The following CXorf38 variants were observed in gnomAD, a reference collection of about 807,000 sequenced individuals.
CXorf38 encodes uncharacterized protein CXorf38.
In CXorf38, 13 loss-of-function variants were observed where a neutral mutation model predicts 27.5. The observed-to-expected ratio is 0.47, with a 90% CI of 0.31 to 0.75. The LOEUF (loss-of-function observed/expected upper bound fraction) is 0.75. Among genes scored for constraint, CXorf38 ranks in the 30% least tolerant of loss-of-function variants. CXorf38 has a pLI of 0.05. For synonymous variants in CXorf38, 100 were observed against 99.8 expected, an observed-to-expected ratio of 1.00 and a Z score of -0.01; for missense variants, 240 against 253.2, an observed-to-expected ratio of 0.95 and a Z score of 0.35.
rs1927609955 is a variant in CXorf38, at chrX:40,628,042, T to C, written c.*2122A>G. The stretch of plus-strand genomic sequence containing the variant: ...GATCCCAAGTTTTGTACCTCACATC[T>C]AGAAGCTCTGAAATATTTCACTAAG... On this transcript the variant is annotated 3_prime_UTR_variant, in exon 7 of 7. Transcript: ENST00000327877. The C allele has an allele frequency of 8.9e-6, 1 of 112,339 alleles. No homozygotes were observed. The highest frequency in any genetic ancestry group is 3.2e-5 in the African/African-American group (1 of 30,919). The allele number at this position is 112,339 out of a possible 1,213,427, so 9.3% of individuals were successfully genotyped here. A position where few individuals can be genotyped will look rare whatever the true frequency, so the allele number is the denominator to read the frequency against.
intron 2 of CXorf38, 109 bp downstream of exon 2, chrX:40,646,898 C>T (rs766870219): frequency 1.1e-6 from 1 of 934,552 alleles, no homozygotes; most frequent in South Asian, 2.5e-5. Flanking sequence ...TGATCAATCT[C>T]TCTCTCTGCA....
Position 40,637,111 on chromosome X carries a change from C to T in CXorf38, c.517G>A (p.Val173Ile). ...NEIMHSSEMKVSSTWLRDFQM... is the reference protein window; with the variant it reads ...NEIMHSSEMKISSTWLRDFQM... The stretch of plus-strand genomic sequence containing the variant: ...AAATCTCGAAGCCACGTAGAAGATA[C>T]TTTCATCTCTGAAGAGTGCATGATC... Residue 173 changes from valine to isoleucine, a missense_variant, in exon 4 of 7, where the codon GTA (valine) becomes ATA (isoleucine). By Grantham distance (29) the Val-to-Ile change is conservative. Coordinates refer to ENST00000327877, the MANE Select transcript of CXorf38 (RefSeq NM_144970.3). 1.7e-6 allele frequency: 2 copies of T among 1,204,369 alleles called. No individual in the cohort carries two copies. The highest frequency in any genetic ancestry group is 2.2e-6 in the Non-Finnish European group (2 of 890,264).
rs1927557969 is a variant in CXorf38, at chrX:40,627,187, G to GGC, written c.*2976_*2977insGC. On this transcript the variant is annotated 3_prime_UTR_variant, in exon 7 of 7. Transcript: ENST00000327877. ...CAGCTTGCTATGCATTTTTTTTTTT[G>GGC]GGGGGGGGGGGTTGTTTTTTAGAGA... is the stretch of plus-strand genomic sequence containing the variant. 3.6e-5 allele frequency: 2 copies of GGC among 54,818 alleles called. No homozygotes were observed. Among genetic ancestry groups the GGC allele is most frequent in the African/African-American group, 2.2e-4 (2 of 9,003 alleles). The allele number at this position is 54,818 out of a possible 1,213,427, so 4.5% of individuals were successfully genotyped here.
chrX:40,639,313 G>T, intron 2 of CXorf38, 185 bp from the exon 3 acceptor site: 1 of 417,223 alleles, frequency 2.4e-6, no homozygotes, highest in Non-Finnish European at 4.1e-6. Flanking sequence ...CTTGGCCAAG[G>T]GCAATAACTG....
rs72623244 is a variant in CXorf38 at position 40,637,533 on chromosome X, C to G, written c.472-377G>C. On this transcript the variant is annotated intron_variant, in intron 3 of 6. Coordinates refer to ENST00000327877, the MANE Select transcript of CXorf38 (RefSeq NM_144970.3). The stretch of plus-strand genomic sequence containing the variant: ...TACTAAAAGACTGGTTCAGGGCAAA[C>G]TGGGGAGCAGAGGCCCTATCTCAAG... Among the ~76,000 whole-genome samples the G allele has an allele frequency of 6.7e-3, 746 of 111,955 alleles. 21 individuals are homozygous for G. The East Asian group carries it at 0.12, about 19-fold the overall frequency.
chrX:40,645,488 GT>G (rs200514023), intron 2 of CXorf38, among the ~76,000 whole-genome samples: 1 of 110,975 alleles, frequency 9.0e-6, no homozygotes, highest in Admixed American at 9.6e-5. Context: ...CTTTCTTTCT[GT>G]TTTTTTTCTC....
At chrX:40,633,160 G>A (rs919878881) in intron 5 of CXorf38, among the ~76,000 whole-genome samples, 6 of 110,571 alleles carry the variant, frequency 5.4e-5, no homozygotes, top group Non-Finnish European at 1.1e-4. Flanking sequence ...CAGTCTACCT[G>A]CTTCTATCTC....
intron 5 of CXorf38, among the ~76,000 whole-genome samples, chrX:40,635,614 T>C (rs1928035850): frequency 8.9e-6 from 1 of 112,890 alleles, no homozygotes; most frequent in Non-Finnish European, 1.9e-5. Context: ...ACCTTGCATG[T>C]GACAAAGGAG....
intron 5 of CXorf38, among the ~76,000 whole-genome samples, chrX:40,635,785 G>A (rs571662624): frequency 9.0e-6 from 1 of 111,574 alleles, no homozygotes; most frequent in African/African-American, 3.3e-5. Flanking sequence ...AATATCCATC[G>A]GTTCTGCTCA....
intron 2 of CXorf38, 91 bp downstream of exon 2, chrX:40,646,914 TTA>T (rs1278987130): frequency 6.8e-6 from 7 of 1,029,230 alleles, no homozygotes; most frequent in Non-Finnish European, 7.8e-6. Context: ...CTGCATCTGT[TTA>T]TGAGGCCCCG....
chrX:40,630,428 T>C (rs1217783603), intron 6 of CXorf38, 186 bp downstream of exon 6: 1 of 376,774 alleles, frequency 2.7e-6, no homozygotes, highest in African/African-American at 2.6e-5. Flanking sequence ...CTGAATTACT[T>C]CACAGACGTA....
At chrX:40,640,365 T>A (rs763610136) in intron 2 of CXorf38, 1 of 234,651 alleles carries the variant, frequency 4.3e-6, no homozygotes, top group Non-Finnish European at 7.9e-6. Flanking sequence ...AAAAAAAACC[T>A]CTTTTATTTA....
Position 40,630,377 on chromosome X carries a change from C to T in CXorf38, c.*2-215G>A, listed in dbSNP as rs1468935925. ...TAAAGCTGATTCATTTAATTCTAGA[C>T]CAATGACTTCAGGTGTATTTGGCTA... On this transcript the variant is annotated intron_variant, in intron 6 of 6. Coordinates refer to ENST00000327877, the MANE Select transcript of CXorf38 (RefSeq NM_144970.3). The T allele has an allele frequency of 3.6e-5, 11 of 301,433 alleles. No individual in the cohort carries two copies. The East Asian group carries it at 5.1e-4, about 14-fold the overall frequency. 24.8% of individuals were successfully genotyped at this position (301,433 alleles called of 1,213,427 possible).
chrX:40,636,865 A>C, intron 4 of CXorf38, 142 bp downstream of exon 4: 2 of 793,050 alleles, frequency 2.5e-6, no homozygotes, highest in Non-Finnish European at 3.6e-6. Flanking sequence ...GCATAATTAC[A>C]GATTTCATAT....
At chrX:40,633,892 G>C (rs897251019) in intron 5 of CXorf38, among the ~76,000 whole-genome samples, 1 of 111,336 alleles carries the variant, frequency 9.0e-6, no homozygotes, top group Non-Finnish European at 1.9e-5. Context: ...GCAGGACTAT[G>C]TGAAGGGCAC....
chrX:40,639,262 A>C, intron 2 of CXorf38, 134 bp from the exon 3 acceptor site: 2 of 666,022 alleles, frequency 3.0e-6, no homozygotes, highest in Non-Finnish European at 4.5e-6. Flanking sequence ...TTAAAGCCTC[A>C]TGAGCCCAAA....
At chrX:40,644,782 T>C (rs1928499467) in intron 2 of CXorf38, among the ~76,000 whole-genome samples, 1 of 111,622 alleles carries the variant, frequency 9.0e-6, no homozygotes, top group Admixed American at 9.5e-5. Context: ...ATCAATTCCG[T>C]GAAGCATGAG....
chrX:40,640,124 C>T lies in CXorf38; in HGVS notation c.352-996G>A, dbSNP rs144758516. 1,750 of 277,003 alleles carry T rather than the reference C, an allele frequency of 6.3e-3. 6 individuals carry two copies. The highest frequency in any genetic ancestry group is 8.2e-3 in the Non-Finnish European group (1,226 of 149,681). The allele number at this position is 277,003 out of a possible 1,213,427, so 22.8% of individuals were successfully genotyped here. ...CTTCGGGAGGCAAAAGCAGGAGGATCGTTTGAGCCCAGCCTGGGCAACAAA... is the reference window on the plus strand; with the variant it reads ...CTTCGGGAGGCAAAAGCAGGAGGATTGTTTGAGCCCAGCCTGGGCAACAAA... On this transcript the variant is annotated intron_variant, in intron 2 of 6. Transcript: ENST00000327877.
At chrX:40,644,479 CAACT>C (rs776327730) in intron 2 of CXorf38, among the ~76,000 whole-genome samples, 12 of 112,058 alleles carry the variant, frequency 1.1e-4, no homozygotes, top group East Asian at 2.8e-4. Flanking sequence ...TAGAATCAAC[CAACT>C]GTGGATGAAA....
Sources: allele counts gnomAD v4.1 joint callset (sites outside exome capture counted in the v4.1 genomes callset), GRCh38; gene constraint gnomAD v4.1.1; transcripts MANE v1.5; gene names NCBI Gene and HGNC (gene_info 2026-07-23, HGNC 2026-07-21).